The following ADAMTS18 variants were observed in gnomAD, a reference collection of about 807,000 sequenced individuals.
ADAMTS18 encodes ADAM metallopeptidase with thrombospondin type 1 motif 18, also known as A disintegrin and metalloproteinase with thrombospondin motifs 18.
ADAMTS18 carries 157 observed loss-of-function variants against 165.9 expected under a neutral mutation model. That is an observed-to-expected ratio of 0.95 (90% CI 0.83 to 1.08). The LOEUF is 1.08. ADAMTS18 is among the 50% of genes least tolerant of loss of function. The pLI is 0.00. For synonymous variants in ADAMTS18, 782 were observed against 578.2 expected, an observed-to-expected ratio of 1.35 and a Z score of -5.06; for missense variants, 2,040 against 1,534.0, an observed-to-expected ratio of 1.33 and a Z score of -5.51.
chr16:77,295,203 T>C lies in ADAMTS18; in HGVS notation c.2802-76A>G, dbSNP rs972774696. ...CTTCCAAAGCAGTTACTGTGAAAGG[T>C]AAACCACCTATGGAAGCCATGAATC... On this transcript the variant is annotated intron_variant, in intron 18 of 22. Coordinates refer to ENST00000282849, the MANE Select transcript of ADAMTS18 (RefSeq NM_199355.4). 3 of 1,472,662 alleles carry C rather than the reference T, an allele frequency of 2.0e-6. No individual in the cohort carries two copies. In the African/African-American group the frequency reaches 4.2e-5, roughly 20 times the overall value. 91.2% of individuals were successfully genotyped at this position (1,472,662 alleles called of 1,614,324 possible).
intron 16 of ADAMTS18, among the ~76,000 whole-genome samples, chr16:77,301,278 G>GAAA (rs34732324): frequency 2.8e-5 from 4 of 143,706 alleles, no homozygotes; most frequent in Admixed American, 6.9e-5. Context: ...TATTTTCATT[G>GAAA]AAAAAAAAAA....
chr16:77,324,142 G>T (rs542580891), intron 13 of ADAMTS18, among the ~76,000 whole-genome samples: 2 of 152,110 alleles, frequency 1.3e-5, no homozygotes, highest in African/African-American at 4.8e-5. Flanking sequence ...GAATATCCAC[G>T]AAGCCAAACC....
chr16:77,367,632 C>G lies in ADAMTS18; in HGVS notation c.587G>C (p.Gly196Ala). The change falls in exon 4 of 23, where the codon GGT (glycine) becomes GCT (alanine). Residue 196 changes from glycine to alanine, a missense_variant. Transcript: ENST00000282849. ...TTTGTACAGTACGTGAGGATGGTGACCCGCAGGGGAGCTGTAGTTGTGTTC... is the reference window on the plus strand; with the variant it reads ...TTTGTACAGTACGTGAGGATGGTGAGCCGCAGGGGAGCTGTAGTTGTGTTC... ...AQEHNYSSPA[G>A]HHPHVLYKRT... 1 of 1,614,134 alleles carries G rather than the reference C, an allele frequency of 6.2e-7. No homozygotes were observed. Among genetic ancestry groups the G allele is most frequent in the Non-Finnish European group, 8.5e-7 (1 of 1,180,032 alleles).
chr16:77,423,972 T>C (rs749555928), intron 3 of ADAMTS18, among the ~76,000 whole-genome samples: 2 of 152,164 alleles, frequency 1.3e-5, no homozygotes, highest in Non-Finnish European at 2.9e-5. Flanking sequence ...CTTCTCCTAG[T>C]TCAAAGTCAA....
intron 12 of ADAMTS18, among the ~76,000 whole-genome samples, chr16:77,330,734 C>A (rs900418496): frequency 6.6e-6 from 1 of 152,194 alleles, no homozygotes; most frequent in Non-Finnish European, 1.5e-5. Context: ...CAAAAAAAAA[C>A]TGGTAAATCT....
intron 4 of ADAMTS18, 128 bp from the exon 5 acceptor site, chr16:77,364,509 T>G: frequency 9.7e-7 from 1 of 1,033,260 alleles, no homozygotes; most frequent in Admixed American, 2.2e-5. Context: ...CACTAACAAG[T>G]GATGCTATCA....
intron 17 of ADAMTS18, among the ~76,000 whole-genome samples, chr16:77,298,391 G>A (rs577154590): frequency 2.0e-5 from 3 of 152,072 alleles, no homozygotes; most frequent in Admixed American, 1.3e-4. Flanking sequence ...TTGGAACTTT[G>A]TCTTCAAATA....
chr16:77,361,475 C>T (rs1299646280), intron 7 of ADAMTS18, among the ~76,000 whole-genome samples: 2 of 152,134 alleles, frequency 1.3e-5, no homozygotes, highest in Non-Finnish European at 2.9e-5. Flanking sequence ...CCATGGAGCC[C>T]AGTAAAATCC....
At chr16:77,359,107 A>G (rs2056673227) in intron 8 of ADAMTS18, among the ~76,000 whole-genome samples, 1 of 152,234 alleles carries the variant, frequency 6.6e-6, no homozygotes. Context: ...ACGAAGGAGT[A>G]CTGTGTGGCT....
At chr16:77,425,090 G>A (rs1030894849) in intron 3 of ADAMTS18, among the ~76,000 whole-genome samples, 3 of 152,136 alleles carry the variant, frequency 2.0e-5, no homozygotes, top group African/African-American at 4.8e-5. Flanking sequence ...CGTCCCTACC[G>A]CCTATTGAAA....
At chr16:77,305,885 T>G (rs1567468267) in intron 16 of ADAMTS18, among the ~76,000 whole-genome samples, 1 of 152,178 alleles carries the variant, frequency 6.6e-6, no homozygotes, top group Non-Finnish European at 1.5e-5. Context: ...AATATGTAAC[T>G]TGAAAATGAT....
At chr16:77,412,224 G>T (rs965182108) in intron 3 of ADAMTS18, among the ~76,000 whole-genome samples, 1 of 152,132 alleles carries the variant, frequency 6.6e-6, no homozygotes, top group African/African-American at 2.4e-5. Flanking sequence ...TTCTAACTCA[G>T]ACTGTAACTC....
chr16:77,288,405 T>G (rs1203096086), intron 22 of ADAMTS18, among the ~76,000 whole-genome samples: 1 of 151,856 alleles, frequency 6.6e-6, no homozygotes, highest in African/African-American at 2.4e-5. Flanking sequence ...AGCTATTTTT[T>G]TTTTGGTCTT....
rs772504358 is a variant in ADAMTS18 at position 77,322,413 on chromosome 16, C to CA, written c.2085dup (p.Ala696CysfsTer18). On this transcript the variant is annotated frameshift_variant, in exon 14 of 23. Coordinates refer to ENST00000282849, the MANE Select transcript of ADAMTS18 (RefSeq NM_199355.4). LOFTEE classifies it high-confidence loss of function. ...CCATCTTTCACTTTGCCGGACATTGCAAAAAAAAATTCAAAGTTCTCAGCC... is the reference window on the plus strand; with the variant it reads ...CCATCTTTCACTTTGCCGGACATTGCAAAAAAAAAATTCAAAGTTCTCAGCC... The CA allele has an allele frequency of 1.6e-5, 26 of 1,605,920 alleles. No individual in the cohort carries two copies. The highest frequency in any genetic ancestry group is 2.1e-5 in the Non-Finnish European group (25 of 1,174,574).
chr16:77,284,461 T>C (rs1052758000), intron 22 of ADAMTS18, among the ~76,000 whole-genome samples: 1 of 152,120 alleles, frequency 6.6e-6, no homozygotes, highest in Non-Finnish European at 1.5e-5. Flanking sequence ...TTATTAATAT[T>C]AACATAGCAC....
intron 3 of ADAMTS18, among the ~76,000 whole-genome samples, chr16:77,385,116 C>G (rs535661480): frequency 6.6e-6 from 1 of 152,058 alleles, no homozygotes; most frequent in Non-Finnish European, 1.5e-5. Context: ...ACCATGTTGA[C>G]CAGGCTGGTC....
chr16:77,389,040 G>T (rs193214161), intron 3 of ADAMTS18, among the ~76,000 whole-genome samples: 2 of 152,162 alleles, frequency 1.3e-5, no homozygotes, highest in Non-Finnish European at 1.5e-5. Context: ...TGGCTCACAC[G>T]TGTAGTCCCA....
At chr16:77,368,535 C>A (rs902359165) in intron 3 of ADAMTS18, among the ~76,000 whole-genome samples, 3 of 150,054 alleles carry the variant, frequency 2.0e-5, no homozygotes, top group Non-Finnish European at 4.4e-5. Flanking sequence ...CTACTGGTCT[C>A]AAGCAATCCT....
intron 11 of ADAMTS18, among the ~76,000 whole-genome samples, chr16:77,337,544 G>A (rs1359466595): frequency 1.3e-5 from 2 of 152,180 alleles, no homozygotes; most frequent in Non-Finnish European, 2.9e-5. Context: ...AAGTATAAGA[G>A]ACTGGATTTA....
Sources: allele counts gnomAD v4.1 joint callset (sites outside exome capture counted in the v4.1 genomes callset), GRCh38; gene constraint gnomAD v4.1.1; transcripts MANE v1.5; gene names NCBI Gene and HGNC (gene_info 2026-07-23, HGNC 2026-07-21).